Variants in CXCL13 observed in about 807,000 individuals in gnomAD.
CXCL13 encodes C-X-C motif chemokine ligand 13.
CXCL13 carries 7 observed loss-of-function variants against 12.2 expected under a neutral mutation model. That is an observed-to-expected ratio of 0.57 (90% CI 0.33 to 1.07). CXCL13 has a LOEUF of 1.07. CXCL13 is among the 50% of genes least tolerant of loss of function. The pLI is 0.04. For synonymous variants in CXCL13, 47 were observed against 42.4 expected, an observed-to-expected ratio of 1.11 and a Z score of -0.42; for missense variants, 113 against 127.4, an observed-to-expected ratio of 0.89 and a Z score of 0.55.
intron 1 of CXCL13, among the ~76,000 whole-genome samples, chr4:77,592,410 G>A (rs1004393017): frequency 6.6e-6 from 1 of 152,126 alleles, no homozygotes; most frequent in African/African-American, 2.4e-5. Flanking sequence ...TGGAATGGTG[G>A]TTGTCAGGGG....
chr4:77,522,805 C>T (rs551840626), intron 1 of CXCL13, among the ~76,000 whole-genome samples: 7 of 151,984 alleles, frequency 4.6e-5, no homozygotes, highest in African/African-American at 1.4e-4. Context: ...TTCATAGCAT[C>T]GATGGTCTTT....
At chr4:77,526,865 A>T (rs1724779892) in intron 1 of CXCL13, among the ~76,000 whole-genome samples, 2 of 152,124 alleles carry the variant, frequency 1.3e-5, no homozygotes, top group Admixed American at 1.3e-4. Flanking sequence ...CAGCCACTTG[A>T]ACAGCCAAGC....
At chr4:77,607,949 TA>T in intron 2 of CXCL13, 114 bp downstream of exon 2, 1 of 1,082,806 alleles carries the variant, frequency 9.2e-7, no homozygotes, top group Non-Finnish European at 1.3e-6. Context: ...TGAGTGTTGC[TA>T]AAAATTCTCA....
intron 1 of CXCL13, among the ~76,000 whole-genome samples, chr4:77,576,685 C>A (rs1018864414): frequency 6.6e-6 from 1 of 152,166 alleles, no homozygotes; most frequent in Non-Finnish European, 1.5e-5. Context: ...CATGGATGGG[C>A]TCAGCTTTAA....
chr4:77,539,587 C>T (rs948186352), intron 1 of CXCL13, among the ~76,000 whole-genome samples: 16 of 152,346 alleles, frequency 1.1e-4, no homozygotes, highest in African/African-American at 3.6e-4. Context: ...TGTACACATG[C>T]TCACTTGAGG....
chr4:77,514,809 A>C (rs1279726306), intron 1 of CXCL13, among the ~76,000 whole-genome samples: 1 of 151,920 alleles, frequency 6.6e-6, no homozygotes, highest in Admixed American at 6.6e-5. Context: ...TCTTTAGTTT[A>C]ATTAGATCCC....
chr4:77,579,192 C>T (rs1726259961), intron 1 of CXCL13, among the ~76,000 whole-genome samples: 1 of 152,234 alleles, frequency 6.6e-6, no homozygotes, highest in African/African-American at 2.4e-5. Flanking sequence ...CACTGTCTCA[C>T]TGAAGGCACC....
chr4:77,570,187 G>A (rs181976312), intron 1 of CXCL13, among the ~76,000 whole-genome samples: 26 of 152,246 alleles, frequency 1.7e-4, no homozygotes, highest in Admixed American at 4.6e-4. Flanking sequence ...GAAAATACAA[G>A]CAATACCATT....
At chr4:77,600,756 T>G (rs937671316) in intron 1 of CXCL13, among the ~76,000 whole-genome samples, 6 of 152,282 alleles carry the variant, frequency 3.9e-5, no homozygotes, top group African/African-American at 1.4e-4. Flanking sequence ...CCGAATGTGA[T>G]CTCATGCCAG....
chr4:77,534,279 C>T (rs1312496622), intron 1 of CXCL13, among the ~76,000 whole-genome samples: 1 of 152,206 alleles, frequency 6.6e-6, no homozygotes, highest in Non-Finnish European at 1.5e-5. Context: ...TATGTTCACA[C>T]AAAAACCTGC....
chr4:77,512,734 G>A (rs1724306194), intron 1 of CXCL13, among the ~76,000 whole-genome samples: 1 of 152,114 alleles, frequency 6.6e-6, no homozygotes, highest in South Asian at 2.1e-4. Flanking sequence ...TTGGGTGGTG[G>A]AAGGACACAA....
At chr4:77,545,281 A>G (rs1049836175) in intron 1 of CXCL13, among the ~76,000 whole-genome samples, 1 of 152,140 alleles carries the variant, frequency 6.6e-6, no homozygotes, top group African/African-American at 2.4e-5. Flanking sequence ...TAATTCTGTG[A>G]AGGAAGTCAT....
Position 77,532,242 on chromosome 4 carries a change from G to A in CXCL13, c.-43+20454G>A, listed in dbSNP as rs200204429. On this transcript the variant is annotated intron_variant, in intron 1 of 4. Coordinates refer to the CXCL13 transcript ENST00000286758. ...CAGTAGCTCTTTTAGGGCAGGCCTG[G>A]TGGTGACAAAATCTCTCAGCATTTG... Among the ~76,000 whole-genome samples, 173 of 152,156 alleles carry A rather than the reference G, an allele frequency of 1.1e-3. 4 individuals carry two copies. The East Asian group carries it at 0.023, about 20-fold the overall frequency.
intron 1 of CXCL13, among the ~76,000 whole-genome samples, chr4:77,541,451 C>T (rs1578044652): frequency 6.6e-6 from 1 of 152,226 alleles, no homozygotes; most frequent in East Asian, 1.9e-4. Context: ...TATCCCAGCA[C>T]CATTTATTGA....
intron 1 of CXCL13, among the ~76,000 whole-genome samples, chr4:77,548,271 C>A (rs1725424698): frequency 6.6e-6 from 1 of 152,164 alleles, no homozygotes; most frequent in Non-Finnish European, 1.5e-5. Context: ...TCTCCTGCGG[C>A]CTAAACAGTA....
intron 1 of CXCL13, among the ~76,000 whole-genome samples, chr4:77,539,713 T>C (rs865943057): frequency 5.9e-5 from 9 of 152,346 alleles, no homozygotes; most frequent in Non-Finnish European, 8.8e-5. Context: ...TTTGGGAAGC[T>C]GCTGATCACC....
At position 77,576,379 on chromosome 4, in the gene CXCL13, T is replaced by C. The variant is rs1164553016; in HGVS notation, c.-42-29445T>C. On this transcript the variant is annotated intron_variant, in intron 1 of 4. Coordinates refer to the CXCL13 transcript ENST00000286758. The stretch of plus-strand genomic sequence containing the variant: ...ACTCCTGTGACCAAAATTTGGGGCA[T>C]ATTTGTCTCTCTCTGCCTGGCTTCT... 3.3e-5 allele frequency among the ~76,000 whole-genome samples: 5 copies of C among 152,226 alleles called. No homozygotes were observed. In the East Asian group the frequency reaches 5.8e-4, roughly 18 times the overall value.
chr4:77,568,524 T>C (rs1420115732), intron 1 of CXCL13, among the ~76,000 whole-genome samples: 2 of 152,188 alleles, frequency 1.3e-5, no homozygotes, highest in Admixed American at 6.5e-5. Context: ...ATTTGGGCAA[T>C]TGTTTAAGGA....
intron 1 of CXCL13, among the ~76,000 whole-genome samples, chr4:77,584,920 G>A (rs762232470): frequency 2.0e-5 from 3 of 152,138 alleles, no homozygotes; most frequent in Non-Finnish European, 4.4e-5. Flanking sequence ...CAACCCTAAG[G>A]CCACTTTCAT....
Sources: gnomAD v4.1 joint callset for allele counts (sites outside exome capture counted in the v4.1 genomes callset) on GRCh38, gnomAD v4.1.1 for gene constraint, MANE v1.5 for transcripts, NCBI Gene and HGNC (gene_info 2026-07-23, HGNC 2026-07-21) for gene names.